The following KIF15 variants were observed in gnomAD, a reference collection of about 807,000 sequenced individuals.
KIF15 encodes the protein kinesin-like protein KIF15.
In KIF15, 140 loss-of-function variants were observed where a neutral mutation model predicts 190.6. The ratio of observed to expected loss-of-function variants is 0.73; its 90% CI spans 0.64 to 0.84. The LOEUF is 0.84. KIF15 is among the 40% of genes least tolerant of loss of function. The pLI is 0.00. For missense variants in KIF15, 1,372 were observed against 1,584.4 expected (o/e 0.87, Z 2.28); for synonymous variants, 528 against 551.3 (o/e 0.96, Z 0.59).
chr3:44,775,454 A>G lies in KIF15; in HGVS notation c.246+17A>G. On this transcript the variant is annotated intron_variant, in intron 3 of 34. Transcript: ENST00000326047. Reference sequence around the variant, plus strand: ...ACCACTCAGGTAATGATAATTAGAAACTTAACTTTTTTTTTTTTTTGAAAA... The same window carrying G: ...ACCACTCAGGTAATGATAATTAGAAGCTTAACTTTTTTTTTTTTTTGAAAA... 1 of 1,539,662 alleles carries G rather than the reference A, an allele frequency of 6.5e-7. No individual in the cohort carries two copies. Among genetic ancestry groups the G allele is most frequent in the Non-Finnish European group, 8.7e-7 (1 of 1,148,252 alleles).
At chr3:44,821,938 A>AC (rs1697355825) in intron 20 of KIF15, among the ~76,000 whole-genome samples, 1 of 152,222 alleles carries the variant, frequency 6.6e-6, no homozygotes, top group Admixed American at 6.5e-5. Flanking sequence ...CCCGGCCAAC[A>AC]CAGCGAAACC....
intron 26 of KIF15, among the ~76,000 whole-genome samples, chr3:44,834,557 A>G (rs1333078270): frequency 6.6e-6 from 1 of 152,190 alleles, no homozygotes; most frequent in Non-Finnish European, 1.5e-5. Flanking sequence ...TTAGGAGAGA[A>G]TTTGTAACAA....
At chr3:44,846,638 G>C (rs577606235) in intron 30 of KIF15, among the ~76,000 whole-genome samples, 1 of 151,938 alleles carries the variant, frequency 6.6e-6, no homozygotes, top group Non-Finnish European at 1.5e-5. Context: ...GTCAGGAGTG[G>C]TGGCACGCAC....
At position 44,789,670 on chromosome 3, in the gene KIF15, ATATATATATATATATATATAT is replaced by A. The variant is rs1559535524; in HGVS notation, c.639+3097_639+3117del. ...TATATATATATATATATATATATAT[ATATATATATATATATATATAT>A]AAAATAGATACATACACATATGGAA... On this transcript the variant is annotated intron_variant, in intron 7 of 34. Transcript: ENST00000326047. 1.1e-4 allele frequency among the ~76,000 whole-genome samples: 14 copies of A among 133,116 alleles called. 1 individual carries two copies. Among genetic ancestry groups the A allele is most frequent in the East Asian group, 4.1e-4 (2 of 4,886 alleles). The allele number at this position is 133,116 out of a possible 152,430, so 87.3% of individuals were successfully genotyped here. A position where few individuals can be genotyped will look rare whatever the true frequency, so the allele number is the denominator to read the frequency against.
downstream of KIF15, among the ~76,000 whole-genome samples, chr3:44,855,242 G>A (rs1009350136): frequency 9.2e-5 from 14 of 152,154 alleles, no homozygotes; most frequent in African/African-American, 3.1e-4. Context: ...CTCAAGGGTG[G>A]GGAGAATTAC....
chr3:44,861,580 T>C (rs1439670828), intron 6 of KIF15, among the ~76,000 whole-genome samples: 1 of 152,026 alleles, frequency 6.6e-6, no homozygotes, highest in Non-Finnish European at 1.5e-5. Flanking sequence ...CCGTTAGGCA[T>C]CTTTAATAAG....
At chr3:44,786,351 A>T in intron 6 of KIF15, 44 bp from the exon 7 acceptor site, 1 of 1,521,026 alleles carries the variant, frequency 6.6e-7, no homozygotes, top group East Asian at 2.3e-5. Context: ...ACTAGGTATG[A>T]ACACATGAAA....
chr3:44,764,180 T>C (rs1705287545), intron 1 of KIF15, among the ~76,000 whole-genome samples: 1 of 152,200 alleles, frequency 6.6e-6, no homozygotes, highest in Non-Finnish European at 1.5e-5. Flanking sequence ...TTTTTACATA[T>C]AAATACACTA....
At chr3:44,801,001 C>T (rs1215690441) in intron 11 of KIF15, among the ~76,000 whole-genome samples, 1 of 150,610 alleles carries the variant, frequency 6.6e-6, no homozygotes, top group African/African-American at 2.4e-5. Context: ...CTAGTGATGA[C>T]GGTCTCATTG....
chr3:44,774,127 G>T (rs921999431), intron 1 of KIF15, among the ~76,000 whole-genome samples: 4 of 152,116 alleles, frequency 2.6e-5, no homozygotes, highest in African/African-American at 9.7e-5. Context: ...TTCACCGTGG[G>T]CAGGTTTAGG....
At chr3:44,790,059 G>A (rs1034247710) in intron 7 of KIF15, among the ~76,000 whole-genome samples, 4 of 152,198 alleles carry the variant, frequency 2.6e-5, no homozygotes, top group Non-Finnish European at 5.9e-5. Context: ...GAAATTGTCA[G>A]GAGCACTTCC....
rs1167372420 is a variant in KIF15, at chr3:44,762,002, T to G, written c.19+118T>G. ...CTAGGCATGAACTGCAGGAGCTGAG[T>G]GACCGGCGGGGACGTTTGGGAATCC... On this transcript the variant is annotated intron_variant, in intron 1 of 34. Coordinates refer to ENST00000326047, the MANE Select transcript of KIF15 (RefSeq NM_020242.3). 3 of 1,318,556 alleles carry G rather than the reference T, an allele frequency of 2.3e-6. No homozygotes were observed. The Middle Eastern group carries it at 5.4e-4, about 239-fold the overall frequency. The allele number at this position is 1,318,556 out of a possible 1,614,324, so 81.7% of individuals were successfully genotyped here. A position where few individuals can be genotyped will look rare whatever the true frequency, so the allele number is the denominator to read the frequency against.
At chr3:44,800,535 T>G in intron 11 of KIF15, 98 bp downstream of exon 11, 1 of 1,343,616 alleles carries the variant, frequency 7.4e-7, no homozygotes, top group African/African-American at 1.5e-5. Context: ...GCAACCCAAA[T>G]TTTTCTGCAG....
chr3:44,828,372 ACCT>A, intron 24 of KIF15, 72 bp downstream of exon 24: 1 of 1,060,426 alleles, frequency 9.4e-7, no homozygotes, highest in Non-Finnish European at 1.5e-6. Flanking sequence ...TTGTTCTCCT[ACCT>A]CTTCTTGCAC....
At chr3:44,864,302 A>G (rs1699297038) in intron 6 of KIF15, 1 of 1,614,174 alleles carries the variant, frequency 6.2e-7, no homozygotes. Flanking sequence ...GTCTTCAGCC[A>G]TTGCATCTGT....
intron 24 of KIF15, among the ~76,000 whole-genome samples, chr3:44,829,595 T>TATAGATGTATATATTATGTATATATA (rs1491168355): frequency 3.3e-5 from 4 of 120,586 alleles, no homozygotes; most frequent in African/African-American, 1.5e-4. Flanking sequence ...TATTATATAT[T>TATAGATGTATATATTATGTATATATA]ATATATGCAT....
chr3:44,774,026 C>G (rs188658008), intron 1 of KIF15, among the ~76,000 whole-genome samples: 3 of 152,208 alleles, frequency 2.0e-5, no homozygotes, highest in Non-Finnish European at 4.4e-5. Context: ...TGGTTCCACC[C>G]CATTCTCCCA....
chr3:44,823,029 C>T (rs573067863), intron 20 of KIF15, among the ~76,000 whole-genome samples: 4 of 152,340 alleles, frequency 2.6e-5, no homozygotes, highest in South Asian at 4.1e-4. Flanking sequence ...AAGTTATTCT[C>T]GTCCAGCTTT....
intron 13 of KIF15, among the ~76,000 whole-genome samples, chr3:44,802,586 G>GTACC (rs566781043): frequency 2.3e-4 from 35 of 152,252 alleles, no homozygotes; most frequent in Non-Finnish European, 3.8e-4. Flanking sequence ...ACCTCCTTAG[G>GTACC]TGGGTGAACA....
Sources: allele counts gnomAD v4.1 joint callset (sites outside exome capture counted in the v4.1 genomes callset), GRCh38; gene constraint gnomAD v4.1.1; transcripts MANE v1.5; gene names NCBI Gene and HGNC (gene_info 2026-07-23, HGNC 2026-07-21).